Variants in CFAP221 observed in about 807,000 individuals in gnomAD.
CFAP221 encodes cilia and flagella associated protein 221.
Under a neutral mutation model 113.1 loss-of-function variants are expected in CFAP221, and 97 were observed. The observed-to-expected ratio is 0.86, with a 90% CI of 0.73 to 1.02. The LOEUF is 1.02. Ranked by LOEUF, CFAP221 falls within the 50% of genes least tolerant of loss-of-function variation. The pLI is 0.00. For missense variants in CFAP221, 1,025 were observed against 1,013.4 expected (o/e 1.01, Z -0.16); for synonymous variants, 331 against 354.4 (o/e 0.93, Z 0.74).
downstream of CFAP221, among the ~76,000 whole-genome samples, chr2:119,658,283 T>A (rs1688502512): frequency 6.6e-6 from 1 of 152,222 alleles, no homozygotes; most frequent in Non-Finnish European, 1.5e-5. Flanking sequence ...ACACTACCGT[T>A]GTTTATTTTG....
chr2:119,559,739 G>A lies in CFAP221; in HGVS notation c.291G>A (p.Pro97=), dbSNP rs1256841655. 6.3e-5 allele frequency: 96 copies of A among 1,531,768 alleles called. No homozygotes were observed. The highest frequency in any genetic ancestry group is 8.1e-5 in the Non-Finnish European group (93 of 1,143,296). 94.9% of individuals were successfully genotyped at this position (1,531,768 alleles called of 1,614,324 possible). A position where few individuals can be genotyped will look rare whatever the true frequency, so the allele number is the denominator to read the frequency against. The change falls in exon 4 of 24, where the codon CCG becomes CCA. Residue 97 remains proline, a synonymous_variant. Coordinates refer to ENST00000413369, the MANE Select transcript of CFAP221 (RefSeq NM_001271049.2). ...ACACACGTGTTCATATTTTACCCCC[G>A]CAAACCAAATACTTTGAGATCAATT... ...NEDTRVHILP[P]QTKYFEINYV... is the part of the protein sequence containing the mutation.
chr2:119,599,700 T>C (rs551747889), intron 7 of CFAP221, among the ~76,000 whole-genome samples: 1 of 152,310 alleles, frequency 6.6e-6, no homozygotes. Context: ...GGGCCTTTCC[T>C]TTCCACCCAC....
At chr2:119,571,979 C>A (rs1682092642) in intron 6 of CFAP221, among the ~76,000 whole-genome samples, 1 of 130,356 alleles carries the variant, frequency 7.7e-6, no homozygotes, top group African/African-American at 3.0e-5. Flanking sequence ...GGGGCTGCCC[C>A]TTACTTTGGG....
At chr2:119,638,540 T>C in intron 20 of CFAP221, 123 bp downstream of exon 20, 1 of 1,255,370 alleles carries the variant, frequency 8.0e-7, no homozygotes, top group Non-Finnish European at 1.1e-6. Context: ...AGAACAAGAA[T>C]GGTAACACCG....
intron 6 of CFAP221, among the ~76,000 whole-genome samples, chr2:119,569,728 A>G (rs1403240370): frequency 4.0e-5 from 6 of 151,724 alleles, no homozygotes; most frequent in African/African-American, 9.7e-5. Context: ...AGAAGTTTCT[A>G]TTGATATATC....
intron 6 of CFAP221, among the ~76,000 whole-genome samples, chr2:119,571,439 C>CT (rs1682048921): frequency 6.6e-6 from 1 of 151,484 alleles, no homozygotes; most frequent in African/African-American, 2.4e-5. Flanking sequence ...CACGCCCGGC[C>CT]AACAACCACT....
intron 11 of CFAP221, 106 bp downstream of exon 11, chr2:119,605,395 T>C: frequency 1.1e-6 from 1 of 883,312 alleles, no homozygotes; most frequent in Non-Finnish European, 1.8e-6. Context: ...TTAGGTACTT[T>C]GGAGAATTTA....
At chr2:119,613,482 C>T (rs918059958) in intron 13 of CFAP221, among the ~76,000 whole-genome samples, 16 of 152,240 alleles carry the variant, frequency 1.1e-4, no homozygotes, top group African/African-American at 3.6e-4. Flanking sequence ...CAGAGTTTCC[C>T]AAACCTAATT....
chr2:119,599,334 G>T (rs1469912627), intron 7 of CFAP221, among the ~76,000 whole-genome samples: 1 of 152,192 alleles, frequency 6.6e-6, no homozygotes, highest in African/African-American at 2.4e-5. Flanking sequence ...CTGACTGAAG[G>T]TTCCTGTGGA....
Position 119,625,696 on chromosome 2 carries a change from A to G in CFAP221, c.1516+8A>G. The G allele has an allele frequency of 5.7e-6, 9 of 1,589,880 alleles. No individual in the cohort carries two copies. The highest frequency in any genetic ancestry group is 7.8e-6 in the Non-Finnish European group (9 of 1,158,050). ...AACAATCGATAGCACAAGGTGAAGT[A>G]TGGCTGCAAAGCACAGAGATGCCGA... is the stretch of plus-strand genomic sequence containing the variant. On this transcript the variant is annotated splice_region_variant and intron_variant, in intron 15 of 23. Coordinates refer to ENST00000413369, the MANE Select transcript of CFAP221 (RefSeq NM_001271049.2).
At chr2:119,631,298 T>A (rs1375199008) in intron 19 of CFAP221, among the ~76,000 whole-genome samples, 6 of 152,192 alleles carry the variant, frequency 3.9e-5, no homozygotes, top group Non-Finnish European at 7.3e-5. Flanking sequence ...TGTCCTAAGC[T>A]ACCCCTTTAA....
intron 19 of CFAP221, 189 bp downstream of exon 19, chr2:119,631,090 A>G: frequency 2.4e-6 from 3 of 1,272,504 alleles, no homozygotes; most frequent in Non-Finnish European, 3.0e-6. Context: ...GTCTTTTAGC[A>G]ATTCCTGCAT....
intron 20 of CFAP221, among the ~76,000 whole-genome samples, chr2:119,639,337 T>C (rs1225861800): frequency 6.6e-6 from 1 of 152,198 alleles, no homozygotes; most frequent in Non-Finnish European, 1.5e-5. Context: ...CTTCTGCCTC[T>C]ATCATGCACC....
intron 3 of CFAP221, among the ~76,000 whole-genome samples, chr2:119,552,917 T>A (rs1680530112): frequency 6.6e-6 from 1 of 152,174 alleles, no homozygotes; most frequent in African/African-American, 2.4e-5. Context: ...TTGTACTCTC[T>A]GGTTGATGTT....
At chr2:119,632,182 C>G (rs925049949) in intron 19 of CFAP221, among the ~76,000 whole-genome samples, 7 of 151,966 alleles carry the variant, frequency 4.6e-5, no homozygotes, top group Admixed American at 3.9e-4. Context: ...TACTCTGATA[C>G]CAAAGCCAGA....
At chr2:119,610,874 C>G (rs139052089) in intron 12 of CFAP221, among the ~76,000 whole-genome samples, 2 of 152,152 alleles carry the variant, frequency 1.3e-5, no homozygotes, top group East Asian at 3.9e-4. Flanking sequence ...CTGCGGAGTA[C>G]GCAGTCCCCT....
intron 16 of CFAP221, among the ~76,000 whole-genome samples, chr2:119,628,297 GT>G (rs1402524457): frequency 4.4e-4 from 63 of 143,312 alleles, no homozygotes; most frequent in African/African-American, 1.8e-3. Flanking sequence ...TCTGGGGGGT[GT>G]GTGTGTGTGT....
At chr2:119,654,386 T>C (rs1688306917) in intron 23 of CFAP221, among the ~76,000 whole-genome samples, 1 of 152,132 alleles carries the variant, frequency 6.6e-6, no homozygotes, top group African/African-American at 2.4e-5. Context: ...AAAACTGACC[T>C]AGGGTTTTAA....
chr2:119,639,451 C>T lies in CFAP221; in HGVS notation c.2134-330C>T, dbSNP rs182984275. Among the ~76,000 whole-genome samples, 7 of 152,340 alleles carry T rather than the reference C, an allele frequency of 4.6e-5. No homozygotes were observed. In the East Asian group the frequency reaches 1.4e-3, roughly 29 times the overall value. On this transcript the variant is annotated intron_variant, in intron 20 of 23. Transcript: ENST00000413369. ...GTGCTGCTGGATGAACTGCCATCCT[C>T]TCCAAGTGTTGCATTAGCATCACAT...
Sources: gnomAD v4.1 joint callset for allele counts (sites outside exome capture counted in the v4.1 genomes callset) on GRCh38, gnomAD v4.1.1 for gene constraint, MANE v1.5 for transcripts, NCBI Gene and HGNC (gene_info 2026-07-23, HGNC 2026-07-21) for gene names.